The following ADAMTS2 variants were observed in gnomAD, a reference collection of about 807,000 sequenced individuals.
ADAMTS2 encodes the protein A disintegrin and metalloproteinase with thrombospondin motifs 2.
In ADAMTS2, 50 loss-of-function variants were observed where a neutral mutation model predicts 123.0. The observed-to-expected ratio is 0.41, with a 90% CI of 0.32 to 0.51. The LOEUF (loss-of-function observed/expected upper bound fraction) is 0.51. ADAMTS2 is among the 20% of genes least tolerant of loss of function. ADAMTS2 has a pLI of 0.35. For synonymous variants in ADAMTS2, 678 were observed against 695.4 expected, an observed-to-expected ratio of 0.98 and a Z score of 0.39; for missense variants, 1,494 against 1,705.2, an observed-to-expected ratio of 0.88 and a Z score of 2.18.
intron 3 of ADAMTS2, among the ~76,000 whole-genome samples, chr5:179,244,741 C>T (rs959645496): frequency 6.6e-6 from 1 of 152,088 alleles, no homozygotes; most frequent in Non-Finnish European, 1.5e-5. Context: ...CAGCACAAAG[C>T]AGGTGAACAG....
intron 4 of ADAMTS2, among the ~76,000 whole-genome samples, chr5:179,183,480 G>C (rs1422468640): frequency 1.3e-5 from 2 of 152,212 alleles, no homozygotes; most frequent in African/African-American, 4.8e-5. Context: ...GCTTGATCCT[G>C]GCTGCTGCCT....
rs201592583 is a variant in ADAMTS2 at position 179,128,089 on chromosome 5, T to A, written c.2487A>T (p.Ser829=). 3.1e-6 allele frequency: 5 copies of A among 1,613,778 alleles called. No individual in the cohort carries two copies. The highest frequency in any genetic ancestry group is 1.7e-5 in the Admixed American group (1 of 59,998). ...CATGGATCATGTATTTGTACGTCAGTGAGACCCGGGTGTCTCCCACCGGGA... is the reference window on the plus strand; with the variant it reads ...CATGGATCATGTATTTGTACGTCAGAGAGACCCGGGTGTCTCCCACCGGGA... ...LVIPVGDTRV[S]LTYKYMIHED... Residue 829 remains serine, a synonymous_variant, in exon 17 of 22, where the codon TCA becomes TCT. Transcript: ENST00000251582. This position sits in a 1 kb window ranked among gnomAD's most constrained non-coding sequence, Gnocchi z 4.9.
In ADAMTS2 at chr5:179,153,529, G is replaced by A. The variant is rs779902229; in HGVS notation, c.1477C>T (p.Arg493Cys). ...ATGTAGCCCAGGCCGAAGTCAAAGC[G>A]GCATTGCTCGTTCATGGAGTAGTGC... ...GLHYSMNEQCRFDFGLGYMMC... is the reference protein window; with the variant it reads ...GLHYSMNEQCCFDFGLGYMMC... The change falls in exon 9 of 22, where the codon CGC (arginine) becomes TGC (cysteine). Residue 493 changes from arginine (R) to cysteine (C), a missense_variant. Arg to Cys is a radical substitution (Grantham distance 180). This residue lies in a region of ADAMTS2 where 953 missense variants were observed against 1,124.7 expected (regional missense o/e 0.85). Coordinates refer to ENST00000251582, the MANE Select transcript of ADAMTS2 (RefSeq NM_014244.5). 6.2e-6 allele frequency: 10 copies of A among 1,610,792 alleles called. No homozygotes were observed. The highest frequency in any genetic ancestry group is 1.7e-6 in the Non-Finnish European group (2 of 1,179,894).
intron 2 of ADAMTS2, among the ~76,000 whole-genome samples, chr5:179,286,431 C>T (rs961012917): frequency 6.6e-6 from 1 of 152,074 alleles, no homozygotes; most frequent in African/African-American, 2.4e-5. Flanking sequence ...AGAGCCGGCA[C>T]GGTGGGTCTG....
At chr5:179,318,292 T>C (rs1205298375) in intron 2 of ADAMTS2, among the ~76,000 whole-genome samples, 1 of 152,196 alleles carries the variant, frequency 6.6e-6, no homozygotes, top group Non-Finnish European at 1.5e-5. Context: ...GAGTATTAAT[T>C]AAATGCGCTG....
At position 179,202,350 on chromosome 5, in the gene ADAMTS2, C is replaced by T. The variant is rs879625904; in HGVS notation, c.891+5163G>A. Among the ~76,000 whole-genome samples the T allele has an allele frequency of 1.3e-5, 2 of 152,156 alleles. No homozygotes were observed. The highest frequency in any genetic ancestry group is 1.9e-4 in the East Asian group (1 of 5,156). On this transcript the variant is annotated intron_variant, in intron 4 of 21. Coordinates refer to ENST00000251582, the MANE Select transcript of ADAMTS2 (RefSeq NM_014244.5). This position sits in a 1 kb window ranked among gnomAD's most constrained non-coding sequence, Gnocchi z 4.0. ...ACCTCTTCCCACATCCTTCCGTTGTCGTGAGCCTCTGCTCCCGTGATATCT... is the reference window on the plus strand; with the variant it reads ...ACCTCTTCCCACATCCTTCCGTTGTTGTGAGCCTCTGCTCCCGTGATATCT...
At chr5:179,136,319 C>T (rs555672592) in intron 12 of ADAMTS2, among the ~76,000 whole-genome samples, 8 of 152,280 alleles carry the variant, frequency 5.3e-5, no homozygotes, top group Admixed American at 1.3e-4. Context: ...CCCGAGGCCC[C>T]GCTTGGAGAC....
rs1317030301 is a variant in ADAMTS2, at chr5:179,111,059, C to T, written c.*2808G>A. The T allele has an allele frequency of 6.6e-6, 1 of 152,140 alleles. No individual in the cohort carries two copies. Among genetic ancestry groups the T allele is most frequent in the Non-Finnish European group, 1.5e-5 (1 of 68,024 alleles). 9.4% of individuals were successfully genotyped at this position (152,140 alleles called of 1,614,324 possible). The stretch of plus-strand genomic sequence containing the variant: ...AACTGCTTCATCTGCTAAGATGTTG[C>T]TATTGAGCACCATGTATATACTCAA... On this transcript the variant is annotated 3_prime_UTR_variant, in exon 22 of 22. Coordinates refer to ENST00000251582, the MANE Select transcript of ADAMTS2 (RefSeq NM_014244.5).
chr5:179,202,432 C>T lies in ADAMTS2; in HGVS notation c.891+5081G>A, dbSNP rs892489317. Among the ~76,000 whole-genome samples, 2 of 152,186 alleles carry T rather than the reference C, an allele frequency of 1.3e-5. No homozygotes were observed. The highest frequency in any genetic ancestry group is 2.9e-5 in the Non-Finnish European group (2 of 68,042). Reference sequence around the variant, plus strand: ...GGCCTGCCTTCCCCTACCCTTCTTCCTTCTCCATCTCCTAACTATTTTATT... The same window carrying T: ...GGCCTGCCTTCCCCTACCCTTCTTCTTTCTCCATCTCCTAACTATTTTATT... On this transcript the variant is annotated intron_variant, in intron 4 of 21. Coordinates refer to ENST00000251582, the MANE Select transcript of ADAMTS2 (RefSeq NM_014244.5). This position sits in a 1 kb window ranked among gnomAD's most constrained non-coding sequence, Gnocchi z 4.0.
At chr5:179,299,311 C>G (rs56679076) in intron 2 of ADAMTS2, among the ~76,000 whole-genome samples, 2 of 104,180 alleles carry the variant, frequency 1.9e-5, no homozygotes, top group Non-Finnish European at 3.9e-5. Flanking sequence ...GGGCGGATCA[C>G]GAGGTCAGGA....
intron 3 of ADAMTS2, among the ~76,000 whole-genome samples, chr5:179,209,562 GCACA>G (rs1334725355): frequency 8.9e-6 from 1 of 112,688 alleles, no homozygotes; most frequent in African/African-American, 3.6e-5. Flanking sequence ...ACACACACAA[GCACA>G]CACATGCACA....
intron 3 of ADAMTS2, among the ~76,000 whole-genome samples, chr5:179,266,104 T>C (rs1046166091): frequency 4.6e-5 from 7 of 151,918 alleles, no homozygotes; most frequent in Non-Finnish European, 8.8e-5. Flanking sequence ...CAGAGACAGG[T>C]CTGGGCACAA....
At chr5:179,239,730 GA>G (rs1765618773) in intron 3 of ADAMTS2, among the ~76,000 whole-genome samples, 1 of 152,078 alleles carries the variant, frequency 6.6e-6, no homozygotes, top group Admixed American at 6.5e-5. Flanking sequence ...GGAGACCAAG[GA>G]GCGTCCAGGA....
intron 2 of ADAMTS2, among the ~76,000 whole-genome samples, chr5:179,273,269 A>G (rs1219106867): frequency 6.6e-6 from 1 of 151,798 alleles, no homozygotes; most frequent in African/African-American, 2.4e-5. Flanking sequence ...CCTGTCTAGG[A>G]AAGGGGCCTC....
intron 17 of ADAMTS2, among the ~76,000 whole-genome samples, chr5:179,127,114 CT>C (rs1424258016): frequency 1.3e-5 from 2 of 152,218 alleles, no homozygotes; most frequent in African/African-American, 4.8e-5. Flanking sequence ...CAAACGGTTA[CT>C]TTGGGGTGAG....
rs1561771719 is a variant in ADAMTS2, at chr5:179,134,809, GGCTCCAGCCCCCAGCTCCC to G, written c.2085+1081_2085+1099del. On this transcript the variant is annotated intron_variant, in intron 13 of 21. Transcript: ENST00000251582. Reference sequence around the variant, plus strand: ...CTCCCGGCTCCAGCCCCCAGCTCCCGGCTCCAGCCCCCAGCTCCCGGCTCCAGCCCCCAGCTCCCGGCTC... The same window carrying G: ...CTCCCGGCTCCAGCCCCCAGCTCCCGGGCTCCAGCCCCCAGCTCCCGGCTC... 4.3e-3 allele frequency among the ~76,000 whole-genome samples: 282 copies of G among 66,340 alleles called. 2 individuals carry two copies. Among genetic ancestry groups the G allele is most frequent in the African/African-American group, 0.016 (267 of 17,166 alleles). 43.5% of individuals were successfully genotyped at this position (66,340 alleles called of 152,430 possible).
At chr5:179,298,389 C>A (rs1030871639) in intron 2 of ADAMTS2, among the ~76,000 whole-genome samples, 1 of 152,108 alleles carries the variant, frequency 6.6e-6, no homozygotes, top group Non-Finnish European at 1.5e-5. Flanking sequence ...ATCAGAGAGG[C>A]CCAGGGAGCT....
chr5:179,322,282 G>A (rs1757205134), intron 2 of ADAMTS2, among the ~76,000 whole-genome samples: 1 of 152,246 alleles, frequency 6.6e-6, no homozygotes, highest in African/African-American at 2.4e-5. Flanking sequence ...AGCGCAGGTG[G>A]GGAGAGGAGC....
chr5:179,149,962 G>A (rs1763323141), intron 10 of ADAMTS2, among the ~76,000 whole-genome samples: 2 of 152,194 alleles, frequency 1.3e-5, no homozygotes, highest in South Asian at 2.1e-4. Context: ...GAAGGGCTGC[G>A]GCCAGGTGGG....
Sources: gnomAD v4.1 joint callset for allele counts (sites outside exome capture counted in the v4.1 genomes callset) on GRCh38, gnomAD v4.1.1 for gene constraint, gnomAD v4.1.1 regional missense constraint, Gnocchi (gnomAD v3.1) non-coding constraint, MANE v1.5 for transcripts, NCBI Gene and HGNC (gene_info 2026-07-23, HGNC 2026-07-21) for gene names.